IFT122: variants seen among roughly 807,000 people sequenced by gnomAD.
The protein encoded by IFT122 is intraflagellar transport protein 122 homolog.
A neutral mutation model predicts 161.6 loss-of-function variants in IFT122; 118 were observed. The observed-to-expected ratio is 0.73, with a 90% CI of 0.63 to 0.85. The LOEUF (loss-of-function observed/expected upper bound fraction) is 0.85. Among genes scored for constraint, IFT122 ranks in the 40% least tolerant of loss-of-function variants. The probability of loss-of-function intolerance (pLI) is 0.00; values close to 1 mark genes in which losing one functional copy is unlikely to be tolerated. For synonymous variants in IFT122, 550 were observed against 602.4 expected (o/e 0.91, Z 1.27); for missense variants, 1,381 against 1,579.6 (o/e 0.87, Z 2.13).
At chr3:129,504,473 A>C in intron 21 of IFT122, 52 bp downstream of exon 21, 1 of 1,428,500 alleles carries the variant, frequency 7.0e-7, no homozygotes. Flanking sequence ...AGTTACTGCC[A>C]AGACATACAT....
chr3:129,501,627 A>G (rs1041885707), intron 19 of IFT122, among the ~76,000 whole-genome samples: 49 of 152,220 alleles, frequency 3.2e-4, no homozygotes, highest in African/African-American at 1.2e-3. Flanking sequence ...TGTAAGTGCT[A>G]TAGTATCAGG....
At chr3:129,478,919 T>C (rs1159459832) in intron 12 of IFT122, among the ~76,000 whole-genome samples, 1 of 152,032 alleles carries the variant, frequency 6.6e-6, no homozygotes, top group South Asian at 2.1e-4. Context: ...TCCTGAAAGA[T>C]TTTTTTTCAT....
At chr3:129,494,638 G>A (rs1427024112) in intron 17 of IFT122, among the ~76,000 whole-genome samples, 7 of 152,160 alleles carry the variant, frequency 4.6e-5, no homozygotes, top group African/African-American at 7.2e-5. Flanking sequence ...GTAGACAAGC[G>A]AATGTTCCCT....
rs1467329311 is a variant in IFT122 at position 129,489,155 on chromosome 3, G to A, written c.1992+758G>A. Among the ~76,000 whole-genome samples, 10 of 152,148 alleles carry A rather than the reference G, an allele frequency of 6.6e-5. No individual in the cohort carries two copies. In the South Asian group the frequency reaches 1.0e-3, roughly 16 times the overall value. On this transcript the variant is annotated intron_variant, in intron 16 of 29. Transcript: ENST00000348417. ...AGCTGCTCATTTTGTCCATATTCCC[G>A]GGCTGACATTGAAGGAGTGGCAAAG...
rs777023612 is a variant in IFT122, at chr3:129,466,942, A to G, written c.616A>G (p.Ile206Val). 9 of 1,614,088 alleles carry G rather than the reference A, an allele frequency of 5.6e-6. No individual in the cohort carries two copies. The South Asian group carries it at 6.6e-5, about 12-fold the overall frequency. ...AGAGAATGAGGATGCCGAGGATGTC[A>G]TTGTCAACAGATATATTCAGGAAAT... is the stretch of plus-strand genomic sequence containing the variant. ...NRENEDAEDV[I>V]VNRYIQEIPS... The change falls in exon 8 of 30, where the codon ATT (isoleucine) becomes GTT (valine). Residue 206 changes from isoleucine to valine, a missense_variant. By Grantham distance (29) the Ile-to-Val change is conservative. Around this residue, in one of 7 missense-constraint regions of IFT122, gnomAD observed 544 missense variants for 648.0 expected, o/e 0.84. Coordinates refer to ENST00000348417, the MANE Select transcript of IFT122 (RefSeq NM_052989.3).
At chr3:129,466,802 C>T (rs1228361280) in intron 7 of IFT122, 88 bp from the exon 8 acceptor site, 9 of 1,324,928 alleles carry the variant, frequency 6.8e-6, no homozygotes, top group Non-Finnish European at 8.7e-6. Flanking sequence ...TGCACCTGGC[C>T]CCCAGGGGCT....
At chr3:129,477,712 A>C (rs1395990457) in intron 11 of IFT122, among the ~76,000 whole-genome samples, 1 of 152,168 alleles carries the variant, frequency 6.6e-6, no homozygotes, top group Non-Finnish European at 1.5e-5. Flanking sequence ...GCTTCTGATC[A>C]CCGGGGGCCA....
At chr3:129,444,960 T>C (rs940676587) in intron 1 of IFT122, among the ~76,000 whole-genome samples, 3 of 152,240 alleles carry the variant, frequency 2.0e-5, no homozygotes, top group African/African-American at 7.2e-5. Flanking sequence ...AATACCTTTT[T>C]TTGACATATG....
At chr3:129,496,769 C>T (rs1261343031) in intron 18 of IFT122, among the ~76,000 whole-genome samples, 3 of 152,148 alleles carry the variant, frequency 2.0e-5, no homozygotes, top group African/African-American at 4.8e-5. Context: ...ACTTTTTCCT[C>T]GTCACCTTTC....
chr3:129,513,871 G>A (rs1315870333), intron 24 of IFT122: 2 of 249,646 alleles, frequency 8.0e-6, no homozygotes, highest in Non-Finnish European at 1.5e-5. Flanking sequence ...GGAGCTTCAA[G>A]GGGGCCCCAG....
Position 129,481,588 on chromosome 3 carries a change from C to A in IFT122, c.1547C>A (p.Ala516Asp). ...FAIVLLKQAT[A>D]VRCLDMSASR... ...ATCGTCCTGCTGAAGCAGGCCACAGCTGTGCGCTGCTTGGACATGAGTGCC... is the reference window on the plus strand; with the variant it reads ...ATCGTCCTGCTGAAGCAGGCCACAGATGTGCGCTGCTTGGACATGAGTGCC... The change falls in exon 14 of 30, where the codon GCT becomes GAT. Residue 516 changes from alanine (A) to aspartate (D), a missense_variant. By Grantham distance (126) the Ala-to-Asp change is moderately radical. Transcript: ENST00000348417. The A allele has an allele frequency of 1.3e-6, 2 of 1,584,308 alleles. No homozygotes were observed. Among genetic ancestry groups the A allele is most frequent in the Non-Finnish European group, 1.7e-6 (2 of 1,152,790 alleles).
At chr3:129,520,134 G>A (rs1466960332) in intron 29 of IFT122, 42 bp from the exon 30 acceptor site, 1 of 1,523,086 alleles carries the variant, frequency 6.6e-7, no homozygotes, top group Non-Finnish European at 9.1e-7. Context: ...GGGCTGATGA[G>A]CACTAGGGCT....
chr3:129,488,579 G>A (rs2079605014), intron 16 of IFT122, among the ~76,000 whole-genome samples, 182 bp downstream of exon 16: 1 of 152,058 alleles, frequency 6.6e-6, no homozygotes, highest in South Asian at 2.1e-4. Flanking sequence ...CCCTTTCTAA[G>A]ATTGCTTCTC....
In IFT122 at chr3:129,502,826, A is replaced by G. The variant is rs1346982091; in HGVS notation, c.2491A>G (p.Met831Val). 2 of 1,613,014 alleles carry G rather than the reference A, an allele frequency of 1.2e-6. No individual in the cohort carries two copies. The highest frequency in any genetic ancestry group is 1.3e-5 in the African/African-American group (1 of 74,926). ...PGYAAETYLK[M>V]GDLKSLVQLH... is the part of the protein sequence containing the mutation. ...CTATGCTGCTGAGACCTACCTGAAGATGGGTGACCTCAAGTCCCTGGTGCA... is the reference window on the plus strand; with the variant it reads ...CTATGCTGCTGAGACCTACCTGAAGGTGGGTGACCTCAAGTCCCTGGTGCA... Residue 831 changes from methionine to valine, a missense_variant, in exon 20 of 30, where the codon ATG (methionine) becomes GTG (valine). Transcript: ENST00000348417.
At chr3:129,453,664 A>G (rs2075120016) in intron 3 of IFT122, among the ~76,000 whole-genome samples, 1 of 152,186 alleles carries the variant, frequency 6.6e-6, no homozygotes. Context: ...TTAACCTTGA[A>G]TTGTTGGCTG....
chr3:129,501,116 T>C (rs964674099), intron 19 of IFT122, among the ~76,000 whole-genome samples: 1 of 151,896 alleles, frequency 6.6e-6, no homozygotes, highest in Non-Finnish European at 1.5e-5. Context: ...TGAGACAGGA[T>C]GGATTCAGCC....
intron 2 of IFT122, among the ~76,000 whole-genome samples, chr3:129,451,115 T>C (rs1483653158): frequency 1.3e-5 from 2 of 152,102 alleles, no homozygotes; most frequent in African/African-American, 4.8e-5. Context: ...TTTTATTTCT[T>C]AGAGACAGGG....
chr3:129,517,523 C>G lies in IFT122; in HGVS notation c.3320C>G (p.Ala1107Gly), dbSNP rs772034346. 1 of 1,613,946 alleles carries G rather than the reference C, an allele frequency of 6.2e-7. No individual in the cohort carries two copies. Among genetic ancestry groups the G allele is most frequent in the African/African-American group, 1.3e-5 (1 of 75,048 alleles). ...YLEEGITDEE[A>G]ISLIDLEVLR... ...GAGGAAGGGATCACTGATGAAGAAG[C>G]CATCTCCCTCATCGACCTGGAGGTG... The change falls in exon 27 of 30, where the codon GCC (alanine) becomes GGC (glycine). Residue 1107 changes from alanine (A) to glycine (G), a missense_variant. Ala to Gly is a moderately conservative substitution (Grantham distance 60). Coordinates refer to ENST00000348417, the MANE Select transcript of IFT122 (RefSeq NM_052989.3).
intron 28 of IFT122, 58 bp downstream of exon 28, chr3:129,519,244 C>A: frequency 7.0e-7 from 1 of 1,438,240 alleles, no homozygotes; most frequent in Non-Finnish European, 9.8e-7. Context: ...TTCTCCTGTG[C>A]ACATGGGGAC....
Sources: gnomAD v4.1 joint callset for allele counts (sites outside exome capture counted in the v4.1 genomes callset) on GRCh38, gnomAD v4.1.1 for gene constraint, gnomAD v4.1.1 regional missense constraint, MANE v1.5 for transcripts, NCBI Gene and HGNC (gene_info 2026-07-23, HGNC 2026-07-21) for gene names.